The following ACTR2 variants were observed in gnomAD, a reference collection of about 807,000 sequenced individuals.
ACTR2 encodes the protein actin related protein 2.
ACTR2 carries 5 observed loss-of-function variants against 50.2 expected under a neutral mutation model. The ratio of observed to expected loss-of-function variants is 0.10; its 90% CI spans 0.05 to 0.21. The LOEUF (loss-of-function observed/expected upper bound fraction) is 0.21, where lower values mean the gene tolerates loss of function less well. Among genes scored for constraint, ACTR2 ranks in the 10% least tolerant of loss-of-function variants. The pLI is 1.00. For missense variants in ACTR2, 180 were observed against 480.6 expected (o/e 0.37, Z 5.85); for synonymous variants, 140 against 162.9 (o/e 0.86, Z 1.07).
Position 65,228,021 on chromosome 2 carries a change from C to T in ACTR2, c.48+64C>T, listed in dbSNP as rs556516809. 12 of 1,435,814 alleles carry T rather than the reference C, an allele frequency of 8.4e-6. No individual in the cohort carries two copies. The East Asian group carries it at 2.4e-4, about 29-fold the overall frequency. The allele number at this position is 1,435,814 out of a possible 1,614,324, so 88.9% of individuals were successfully genotyped here. A position where few individuals can be genotyped will look rare whatever the true frequency, so the allele number is the denominator to read the frequency against. On this transcript the variant is annotated intron_variant, in intron 1 of 8. Transcript: ENST00000260641. ...CCGGCGGGGACGAGCAGCTGGCGCACGGGCCCTCGGCCCCCAGGGCTGCAC... is the reference window on the plus strand; with the variant it reads ...CCGGCGGGGACGAGCAGCTGGCGCATGGGCCCTCGGCCCCCAGGGCTGCAC...
intron 1 of ACTR2, among the ~76,000 whole-genome samples, chr2:65,239,450 G>A (rs144021295): frequency 0.011 from 1,707 of 152,348 alleles, 23 homozygotes; most frequent in Non-Finnish European, 0.018. Context: ...GTGAAACTCC[G>A]TCTCAAAACA....
At chr2:65,233,226 G>C (rs1671673294) in intron 1 of ACTR2, among the ~76,000 whole-genome samples, 2 of 151,894 alleles carry the variant, frequency 1.3e-5, no homozygotes, top group Non-Finnish European at 2.9e-5. Flanking sequence ...AACTCCTGAC[G>C]TCAGGTGATC....
chr2:65,268,028 G>A (rs969401751), intron 8 of ACTR2, among the ~76,000 whole-genome samples: 7 of 151,804 alleles, frequency 4.6e-5, no homozygotes, highest in Non-Finnish European at 1.0e-4. Context: ...TAGTAGAGAC[G>A]GGGTTTCACT....
At chr2:65,231,525 C>A (rs975106678) in intron 1 of ACTR2, among the ~76,000 whole-genome samples, 2 of 152,132 alleles carry the variant, frequency 1.3e-5, no homozygotes, top group Non-Finnish European at 2.9e-5. Context: ...TTGCTCCTTA[C>A]ATGCCTTAGG....
chr2:65,265,293 G>T, intron 8 of ACTR2, 118 bp downstream of exon 8: 1 of 1,083,342 alleles, frequency 9.2e-7, no homozygotes, highest in Non-Finnish European at 1.4e-6. Flanking sequence ...TCCTACTGCA[G>T]TCAAGTGCAT....
intron 1 of ACTR2, among the ~76,000 whole-genome samples, chr2:65,235,452 C>T (rs1671721979): frequency 6.6e-6 from 1 of 152,162 alleles, no homozygotes; most frequent in East Asian, 1.9e-4. Flanking sequence ...ATCATGCTAA[C>T]TTCTGCCTTA....
chr2:65,267,274 G>C (rs1277710402), intron 8 of ACTR2, among the ~76,000 whole-genome samples: 3 of 152,110 alleles, frequency 2.0e-5, no homozygotes, highest in Non-Finnish European at 2.9e-5. Context: ...CTAGCTACAT[G>C]TGGGGTTGGG....
chr2:65,267,160 G>A (rs1672388420), intron 8 of ACTR2, among the ~76,000 whole-genome samples: 1 of 152,172 alleles, frequency 6.6e-6, no homozygotes, highest in Admixed American at 6.5e-5. Context: ...TAGCCCTTAT[G>A]CCAAAACTGG....
intron 2 of ACTR2, 21 bp from the exon 3 acceptor site, chr2:65,246,503 A>G (rs982310432): frequency 2.6e-6 from 4 of 1,536,876 alleles, no homozygotes; most frequent in Non-Finnish European, 3.5e-6. Context: ...TTTGATCTAC[A>G]GCTTTGACAT....
rs1295232706 is a variant in ACTR2, at chr2:65,246,687, TACTC to T, written c.326_329del (p.Leu109GlnfsTer5). ...ATAGATACCAGAAATTGTAAAATCT[TACTC>T]ACAGAACCTCCTATGAACCCAACCA... On this transcript the variant is annotated frameshift_variant, in exon 3 of 9. Coordinates refer to ENST00000260641, the MANE Select transcript of ACTR2 (RefSeq NM_005722.4). LOFTEE classifies it high-confidence loss of function. 1.2e-6 allele frequency: 2 copies of T among 1,613,588 alleles called. No homozygotes were observed. The highest frequency in any genetic ancestry group is 1.7e-6 in the Non-Finnish European group (2 of 1,179,820).
intron 1 of ACTR2, chr2:65,228,219 C>A: frequency 2.6e-6 from 1 of 377,488 alleles, no homozygotes; most frequent in East Asian, 4.0e-5. Flanking sequence ...ATGGAGCCTA[C>A]TGACCGCCCG....
chr2:65,244,067 A>G (rs932432876), intron 2 of ACTR2, among the ~76,000 whole-genome samples: 3 of 152,162 alleles, frequency 2.0e-5, no homozygotes, highest in Non-Finnish European at 4.4e-5. Flanking sequence ...GTTTGTTCTG[A>G]GGAAGGTAAG....
intron 1 of ACTR2, among the ~76,000 whole-genome samples, chr2:65,232,812 A>G (rs1418847533): frequency 6.6e-6 from 1 of 152,166 alleles, no homozygotes; most frequent in Non-Finnish European, 1.5e-5. Flanking sequence ...TGTGAAGAGG[A>G]AACTATATAT....
chr2:65,251,513 C>T (rs1416338292), intron 4 of ACTR2, among the ~76,000 whole-genome samples: 1 of 152,186 alleles, frequency 6.6e-6, no homozygotes, highest in Non-Finnish European at 1.5e-5. Context: ...AGGCATGTGC[C>T]ACCACACCTG....
chr2:65,231,308 G>A (rs1671634131), intron 1 of ACTR2, among the ~76,000 whole-genome samples: 1 of 152,192 alleles, frequency 6.6e-6, no homozygotes, highest in Admixed American at 6.5e-5. Flanking sequence ...TAACAGGAAT[G>A]CTGTAATAGT....
Position 65,234,244 on chromosome 2 carries a change from A to G in ACTR2, c.49-5608A>G, listed in dbSNP as rs572919903. 2.0e-5 allele frequency among the ~76,000 whole-genome samples: 3 copies of G among 152,128 alleles called. No homozygotes were observed. The South Asian group carries it at 6.2e-4, about 31-fold the overall frequency. On this transcript the variant is annotated intron_variant, in intron 1 of 8. Coordinates refer to ENST00000260641, the MANE Select transcript of ACTR2 (RefSeq NM_005722.4). Reference sequence around the variant, plus strand: ...TTAGTTCTTGTTATTATAACTGTTAATGTTTTCACTTTTGAAGTAATGTGA... The same window carrying G: ...TTAGTTCTTGTTATTATAACTGTTAGTGTTTTCACTTTTGAAGTAATGTGA...
At chr2:65,231,831 A>G (rs993731225) in intron 1 of ACTR2, among the ~76,000 whole-genome samples, 1 of 152,166 alleles carries the variant, frequency 6.6e-6, no homozygotes, top group East Asian at 1.9e-4. Context: ...CATGAAATAC[A>G]CTAACAATAG....
chr2:65,238,404 A>T (rs1485861197), intron 1 of ACTR2, among the ~76,000 whole-genome samples: 2 of 152,010 alleles, frequency 1.3e-5, no homozygotes, highest in African/African-American at 4.8e-5. Flanking sequence ...TCACGCCTGT[A>T]ATCCCAGCAC....
chr2:65,244,941 CAAAAAAA>C (rs35780666), intron 2 of ACTR2, among the ~76,000 whole-genome samples: 2 of 77,062 alleles, frequency 2.6e-5, no homozygotes, highest in Non-Finnish European at 5.3e-5. Context: ...GACCCCATCT[CAAAAAAA>C]AAAAAAAAAA....
Sources: gnomAD v4.1 joint callset for allele counts (sites outside exome capture counted in the v4.1 genomes callset) on GRCh38, gnomAD v4.1.1 for gene constraint, MANE v1.5 for transcripts, NCBI Gene and HGNC (gene_info 2026-07-23, HGNC 2026-07-21) for gene names.